SCYL2: variants seen among roughly 807,000 people sequenced by gnomAD.
SCYL2 encodes SCY1-like protein 2.
A neutral mutation model predicts 100.4 loss-of-function variants in SCYL2; 36 were observed. The observed-to-expected ratio is 0.36, with a 90% CI of 0.27 to 0.47. SCYL2 has a LOEUF of 0.47. Among genes scored for constraint, SCYL2 ranks in the 20% least tolerant of loss-of-function variants. The pLI is 1.00. For synonymous variants in SCYL2, 330 were observed against 359.2 expected, an observed-to-expected ratio of 0.92 and a Z score of 0.92; for missense variants, 902 against 1,083.9, an observed-to-expected ratio of 0.83 and a Z score of 2.36.
chr12:100,335,150 T>C (rs906487509), intron 14 of SCYL2, among the ~76,000 whole-genome samples: 2 of 152,138 alleles, frequency 1.3e-5, no homozygotes, highest in Admixed American at 6.5e-5. Flanking sequence ...AAATAAATTT[T>C]TAATAACAAG....
At chr12:100,335,745 A>G in intron 15 of SCYL2, 54 bp downstream of exon 15, 1 of 1,590,254 alleles carries the variant, frequency 6.3e-7, no homozygotes, top group Non-Finnish European at 8.6e-7. Context: ...AGGGCTTTTA[A>G]TCTTTAAGCA....
intron 2 of SCYL2, among the ~76,000 whole-genome samples, chr12:100,290,197 T>G (rs975658461): frequency 6.6e-6 from 1 of 152,204 alleles, no homozygotes; most frequent in African/African-American, 2.4e-5. Context: ...CAAAGGCAGC[T>G]GGTCAGTTGA....
At chr12:100,333,174 A>G (rs1215128057) in intron 13 of SCYL2, among the ~76,000 whole-genome samples, 1 of 152,194 alleles carries the variant, frequency 6.6e-6, no homozygotes, top group Non-Finnish European at 1.5e-5. Flanking sequence ...TGGAAAGTCA[A>G]TCATAGTAAA....
At chr12:100,268,868 T>C (rs1354415950) in intron 1 of SCYL2, among the ~76,000 whole-genome samples, 1 of 152,222 alleles carries the variant, frequency 6.6e-6, no homozygotes. Flanking sequence ...AATTCCTCTG[T>C]CGTGCTTCAT....
intron 11 of SCYL2, 129 bp downstream of exon 11, chr12:100,323,767 T>C (rs559164882): frequency 2.2e-4 from 117 of 538,734 alleles, no homozygotes; most frequent in Non-Finnish European, 3.6e-4. Context: ...AACTTGTATA[T>C]AGTACTATAA....
In SCYL2 at chr12:100,304,666, G is replaced by A. The variant is rs568805991; in HGVS notation, c.481-6378G>A. Among the ~76,000 whole-genome samples the A allele has an allele frequency of 3.9e-5, 6 of 152,230 alleles. No individual in the cohort carries two copies. The East Asian group carries it at 9.6e-4, about 24-fold the overall frequency. ...ACACATAACAATATTAACCTTAAATGTAAACGGGCTAAATGCCCCAATTAA... is the reference window on the plus strand; with the variant it reads ...ACACATAACAATATTAACCTTAAATATAAACGGGCTAAATGCCCCAATTAA... On this transcript the variant is annotated intron_variant, in intron 4 of 17. Transcript: ENST00000360820.
intron 3 of SCYL2, among the ~76,000 whole-genome samples, chr12:100,295,446 G>A (rs993665044): frequency 2.0e-5 from 3 of 152,292 alleles, no homozygotes; most frequent in South Asian, 2.1e-4. Context: ...CTGCAATCCC[G>A]GCACCTCGGG....
intron 13 of SCYL2, among the ~76,000 whole-genome samples, chr12:100,333,162 A>G (rs1436646703): frequency 6.6e-6 from 1 of 151,942 alleles, no homozygotes; most frequent in Non-Finnish European, 1.5e-5. Flanking sequence ...AACCCTAATC[A>G]GTGGAAAGTC....
chr12:100,333,351 C>T (rs776757104), intron 13 of SCYL2, among the ~76,000 whole-genome samples: 11 of 152,140 alleles, frequency 7.2e-5, no homozygotes, highest in Non-Finnish European at 1.5e-4. Flanking sequence ...CTCTGAGTTC[C>T]TTTACCTCTC....
intron 13 of SCYL2, among the ~76,000 whole-genome samples, chr12:100,330,393 C>T (rs866611554): frequency 6.6e-6 from 1 of 152,188 alleles, no homozygotes; most frequent in African/African-American, 2.4e-5. Context: ...TCTTATGTGA[C>T]TGATTCTTCC....
intron 2 of SCYL2, among the ~76,000 whole-genome samples, chr12:100,289,240 A>G (rs1357300218): frequency 6.6e-6 from 1 of 152,180 alleles, no homozygotes; most frequent in Non-Finnish European, 1.5e-5. Flanking sequence ...CTCAGCCTAA[A>G]TGACTGATTT....
intron 9 of SCYL2, among the ~76,000 whole-genome samples, chr12:100,316,131 A>C (rs567210764): frequency 6.6e-6 from 1 of 152,374 alleles, no homozygotes; most frequent in East Asian, 1.9e-4. Flanking sequence ...TTTAATATGT[A>C]GGTGCTTTGT....
intron 7 of SCYL2, among the ~76,000 whole-genome samples, chr12:100,314,168 G>A (rs547978129): frequency 2.0e-5 from 3 of 152,102 alleles, no homozygotes; most frequent in East Asian, 1.9e-4. Context: ...ATGAGCCACC[G>A]TGCCCGGGCC....
At chr12:100,311,299 C>T in intron 5 of SCYL2, 106 bp downstream of exon 5, 5 of 1,093,840 alleles carry the variant, frequency 4.6e-6, no homozygotes, top group Non-Finnish European at 6.1e-6. Flanking sequence ...TTTAGATATA[C>T]AGCTTTATAG....
chr12:100,327,670 C>T (rs192343115), intron 12 of SCYL2, among the ~76,000 whole-genome samples: 43 of 152,150 alleles, frequency 2.8e-4, no homozygotes, highest in Admixed American at 2.3e-3. Flanking sequence ...CCTGCCACCA[C>T]GCATGGCTAA....
Position 100,340,900 on chromosome 12 carries a change from G to T in SCYL2, c.*1728G>T, listed in dbSNP as rs1015785340. ...AATGCAATATTAATATGTCTTTTGG[G>T]AAAAAGCCTACATATGGAATAAAAT... On this transcript the variant is annotated 3_prime_UTR_variant, in exon 18 of 18. Transcript: ENST00000360820. 3.9e-5 allele frequency: 6 copies of T among 151,962 alleles called. No individual in the cohort carries two copies. The highest frequency in any genetic ancestry group is 7.2e-5 in the African/African-American group (3 of 41,402). 9.4% of individuals were successfully genotyped at this position (151,962 alleles called of 1,614,324 possible).
intron 10 of SCYL2, among the ~76,000 whole-genome samples, chr12:100,322,372 C>CA (rs34959294): frequency 0.079 from 4,781 of 60,884 alleles, 275 homozygotes; most frequent in Non-Finnish European, 0.11. Flanking sequence ...GACTCCGTCT[C>CA]AAAAAAAAAA....
chr12:100,309,615 G>A (rs1347942444), intron 4 of SCYL2, among the ~76,000 whole-genome samples: 1 of 152,144 alleles, frequency 6.6e-6, no homozygotes, highest in African/African-American at 2.4e-5. Context: ...AGCAATTCAT[G>A]TGTCCATTGA....
At chr12:100,279,296 A>G (rs1439586704) in intron 1 of SCYL2, among the ~76,000 whole-genome samples, 1 of 152,200 alleles carries the variant, frequency 6.6e-6, no homozygotes, top group African/African-American at 2.4e-5. Flanking sequence ...GGCTCCTTTG[A>G]GAATCTATTG....
Sources: allele counts gnomAD v4.1 joint callset (sites outside exome capture counted in the v4.1 genomes callset), GRCh38; gene constraint gnomAD v4.1.1; transcripts MANE v1.5; gene names NCBI Gene and HGNC (gene_info 2026-07-23, HGNC 2026-07-21).